Variants in TAFA2 observed in about 807,000 individuals in gnomAD.
TAFA2 encodes TAFA chemokine like family member 2.
Under a neutral mutation model 18.8 loss-of-function variants are expected in TAFA2, and 7 were observed. The ratio of observed to expected loss-of-function variants is 0.37; its 90% CI spans 0.21 to 0.70. The LOEUF is 0.70. Ranked by LOEUF, TAFA2 falls within the 30% of genes least tolerant of loss-of-function variation. The pLI is 0.53. For synonymous variants in TAFA2, 60 were observed against 54.2 expected (o/e 1.11, Z -0.47); for missense variants, 122 against 158.1 (o/e 0.77, Z 1.23).
intron 1 of TAFA2, among the ~76,000 whole-genome samples, chr12:62,172,407 G>A (rs1236243408): frequency 6.6e-6 from 1 of 152,158 alleles, no homozygotes; most frequent in Non-Finnish European, 1.5e-5. Context: ...TTGTGTATGT[G>A]TCCAAAAGAG....
chr12:61,737,921 A>G (rs916154028), intron 4 of TAFA2, among the ~76,000 whole-genome samples: 1 of 152,126 alleles, frequency 6.6e-6, no homozygotes, highest in Non-Finnish European at 1.5e-5. Flanking sequence ...TACTAGAGTC[A>G]AGACAAATTA....
chr12:61,964,672 T>C (rs1000692025), intron 1 of TAFA2, among the ~76,000 whole-genome samples: 1 of 151,852 alleles, frequency 6.6e-6, no homozygotes, highest in African/African-American at 2.4e-5. Flanking sequence ...CATCCATCCA[T>C]TCATTAAATC....
chr12:61,911,966 C>G (rs144553517), intron 1 of TAFA2, among the ~76,000 whole-genome samples: 32 of 152,284 alleles, frequency 2.1e-4, no homozygotes, highest in African/African-American at 7.7e-4. Flanking sequence ...CTCATCCATC[C>G]CTTACTGAGG....
intron 1 of TAFA2, among the ~76,000 whole-genome samples, chr12:62,136,837 T>A (rs968940930): frequency 6.6e-6 from 1 of 152,132 alleles, no homozygotes; most frequent in African/African-American, 2.4e-5. Context: ...TAATTGGTAA[T>A]GTTTGGGGGG....
chr12:62,143,331 G>A (rs2062253403), intron 1 of TAFA2, among the ~76,000 whole-genome samples: 2 of 152,146 alleles, frequency 1.3e-5, no homozygotes, highest in Non-Finnish European at 2.9e-5. Context: ...AATTGCATTT[G>A]CAAATTGACT....
intron 2 of TAFA2, among the ~76,000 whole-genome samples, chr12:61,853,570 A>G (rs1156941449): frequency 1.3e-5 from 2 of 152,142 alleles, no homozygotes; most frequent in South Asian, 2.1e-4. Flanking sequence ...TATCATAAGG[A>G]TGGCAAAACT....
intron 1 of TAFA2, among the ~76,000 whole-genome samples, chr12:62,055,758 G>A (rs550960648): frequency 6.6e-6 from 1 of 152,120 alleles, no homozygotes; most frequent in Non-Finnish European, 1.5e-5. Flanking sequence ...TTAGTAAAAT[G>A]ATAGACTAGA....
chr12:61,773,816 C>A (rs184045100), intron 2 of TAFA2, among the ~76,000 whole-genome samples: 54 of 151,914 alleles, frequency 3.6e-4, no homozygotes, highest in African/African-American at 1.3e-3. Context: ...TGACCAAGAA[C>A]CAAAATTAAA....
intron 1 of TAFA2, among the ~76,000 whole-genome samples, chr12:62,160,147 C>T (rs1203270478): frequency 6.6e-6 from 1 of 152,154 alleles, no homozygotes; most frequent in East Asian, 1.9e-4. Context: ...CTCTTTTTGT[C>T]AAATCTCCTG....
chr12:62,159,797 A>G (rs959210986), intron 1 of TAFA2, among the ~76,000 whole-genome samples: 1 of 152,158 alleles, frequency 6.6e-6, no homozygotes, highest in Non-Finnish European at 1.5e-5. Flanking sequence ...AATCTCACAA[A>G]TCACCACTAA....
chr12:61,727,795 T>TA (rs1870241788), intron 4 of TAFA2, among the ~76,000 whole-genome samples: 1 of 152,134 alleles, frequency 6.6e-6, no homozygotes, highest in African/African-American at 2.4e-5. Context: ...ACTTATGGTG[T>TA]GACCTTAGAT....
At chr12:61,828,443 A>T (rs1872602500) in intron 2 of TAFA2, among the ~76,000 whole-genome samples, 1 of 151,842 alleles carries the variant, frequency 6.6e-6, no homozygotes, top group Non-Finnish European at 1.5e-5. Flanking sequence ...CATGGTCATA[A>T]ATCCACATGT....
At chr12:61,847,245 C>T (rs1039686325) in intron 2 of TAFA2, among the ~76,000 whole-genome samples, 3 of 152,194 alleles carry the variant, frequency 2.0e-5, no homozygotes, top group Non-Finnish European at 2.9e-5. Flanking sequence ...TTATTAAATA[C>T]TCACTGTGTT....
At chr12:62,065,584 G>A (rs1036786869) in intron 1 of TAFA2, among the ~76,000 whole-genome samples, 1 of 151,966 alleles carries the variant, frequency 6.6e-6, no homozygotes, top group African/African-American at 2.4e-5. Flanking sequence ...TATATTATAA[G>A]CTTCTTTATA....
intron 1 of TAFA2, among the ~76,000 whole-genome samples, chr12:61,989,529 C>T (rs1043867584): frequency 6.6e-6 from 1 of 152,156 alleles, no homozygotes; most frequent in Non-Finnish European, 1.5e-5. Flanking sequence ...CTCTCAGCAC[C>T]ACCCTTGCCA....
intron 1 of TAFA2, chr12:62,206,807 T>C (rs932178665): frequency 6.6e-6 from 1 of 152,232 alleles, no homozygotes; most frequent in Non-Finnish European, 1.5e-5. Context: ...GCAGTGGTTA[T>C]GTCATCTTTG....
At chr12:62,010,935 G>GGGCGTCTCTGCCCGGCC (rs1880733388) in intron 1 of TAFA2, among the ~76,000 whole-genome samples, 1 of 127,406 alleles carries the variant, frequency 7.8e-6, no homozygotes, top group South Asian at 2.6e-4. Flanking sequence ...GGGAGGTGGG[G>GGGCGTCTCTGCCCGGCC]AGCGCCTCTG....
intron 1 of TAFA2, among the ~76,000 whole-genome samples, chr12:62,230,221 T>A (rs187338467): frequency 2.6e-5 from 4 of 152,230 alleles, no homozygotes; most frequent in Admixed American, 2.6e-4. Context: ...TCTTCTCTGA[T>A]CTTTGTTATT....
At position 61,857,772 on chromosome 12, in the gene TAFA2, C is replaced by T. The variant is rs1364802878; in HGVS notation, c.106+9548G>A. Among the ~76,000 whole-genome samples, 4 of 133,500 alleles carry T rather than the reference C, an allele frequency of 3.0e-5. No individual in the cohort carries two copies. The East Asian group carries it at 8.8e-4, about 29-fold the overall frequency. 87.6% of individuals were successfully genotyped at this position (133,500 alleles called of 152,430 possible). ...GTCTGAAGGTTCACCCCCTCCTTCTCCTGCACCTCCTCTCTTTATATCAAA... is the reference window on the plus strand; with the variant it reads ...GTCTGAAGGTTCACCCCCTCCTTCTTCTGCACCTCCTCTCTTTATATCAAA... On this transcript the variant is annotated intron_variant, in intron 2 of 4. Transcript: ENST00000416284.
Sources: allele counts gnomAD v4.1 joint callset (sites outside exome capture counted in the v4.1 genomes callset), GRCh38; gene constraint gnomAD v4.1.1; transcripts MANE v1.5; gene names NCBI Gene and HGNC (gene_info 2026-07-23, HGNC 2026-07-21).